BACE2: variants seen among roughly 807,000 people sequenced by gnomAD.
BACE2 encodes the protein 56 kDa aspartic-like protease.
A neutral mutation model predicts 46.2 loss-of-function variants in BACE2; 17 were observed. The ratio of observed to expected loss-of-function variants is 0.37; its 90% CI spans 0.25 to 0.55. The LOEUF is 0.55. Among genes scored for constraint, BACE2 ranks in the 20% least tolerant of loss-of-function variants. The pLI is 0.82. For synonymous variants in BACE2, 277 were observed against 295.9 expected, an observed-to-expected ratio of 0.94 and a Z score of 0.66; for missense variants, 595 against 698.1, an observed-to-expected ratio of 0.85 and a Z score of 1.66.
intron 1 of BACE2, among the ~76,000 whole-genome samples, chr21:41,207,306 C>T (rs1568867708): frequency 6.6e-6 from 1 of 152,314 alleles, no homozygotes; most frequent in Non-Finnish European, 1.5e-5. Flanking sequence ...ACTTATCCCC[C>T]TCCCCAACTA....
chr21:41,256,432 A>G (rs897000767), intron 7 of BACE2, among the ~76,000 whole-genome samples: 7 of 152,116 alleles, frequency 4.6e-5, no homozygotes. Context: ...ATCCTTTTTT[A>G]TGGCTGCATA....
intron 6 of BACE2, among the ~76,000 whole-genome samples, chr21:41,250,026 G>A (rs1421993866): frequency 6.6e-6 from 1 of 152,158 alleles, no homozygotes; most frequent in East Asian, 1.9e-4. Context: ...AGGTATTAGG[G>A]CTGCAGCGGG....
intron 8 of BACE2, among the ~76,000 whole-genome samples, chr21:41,258,735 G>T (rs545326005): frequency 1.3e-5 from 2 of 152,346 alleles, no homozygotes; most frequent in East Asian, 3.9e-4. Context: ...CCCAGTGTAT[G>T]TATATGACAC....
chr21:41,231,302 G>A (rs1390138862), intron 2 of BACE2, among the ~76,000 whole-genome samples: 1 of 152,320 alleles, frequency 6.6e-6, no homozygotes, highest in Middle Eastern at 3.4e-3. Context: ...GGGGTCTCAT[G>A]CATTCAGGTC....
chr21:41,236,009 A>T (rs1987106678), intron 2 of BACE2, among the ~76,000 whole-genome samples: 1 of 152,242 alleles, frequency 6.6e-6, no homozygotes, highest in African/African-American at 2.4e-5. Context: ...AACAGAGTGA[A>T]ATCAAGCCTG....
At chr21:41,233,581 A>G (rs556354188) in intron 2 of BACE2, among the ~76,000 whole-genome samples, 127 of 152,340 alleles carry the variant, frequency 8.3e-4, no homozygotes, top group Non-Finnish European at 1.4e-3. Flanking sequence ...TACAAATTCT[A>G]CAGAGTTTTC....
rs1187124468 is a variant in BACE2, at chr21:41,278,231, A to C, written c.*2607A>C. The C allele has an allele frequency of 1.3e-5, 2 of 152,232 alleles. No homozygotes were observed. Among genetic ancestry groups the C allele is most frequent in the Non-Finnish European group, 2.9e-5 (2 of 68,034 alleles). 9.4% of individuals were successfully genotyped at this position (152,232 alleles called of 1,614,324 possible). ...GTCAAGTCTGATGGGAAATGAATAG[A>C]TGCTGCTTTATTTCCTTGATAACTT... On this transcript the variant is annotated 3_prime_UTR_variant, in exon 9 of 9. Coordinates refer to ENST00000330333, the MANE Select transcript of BACE2 (RefSeq NM_012105.5).
intron 5 of BACE2, among the ~76,000 whole-genome samples, chr21:41,245,425 C>A (rs1269228962): frequency 6.6e-6 from 1 of 152,234 alleles, no homozygotes; most frequent in Non-Finnish European, 1.5e-5. Flanking sequence ...CAGGTGAGGA[C>A]AGGGCTGGCA....
intron 2 of BACE2, among the ~76,000 whole-genome samples, chr21:41,234,148 G>A (rs200549890): frequency 9.2e-5 from 14 of 152,180 alleles, no homozygotes; most frequent in Admixed American, 5.9e-4. Flanking sequence ...TAAGTTTTAC[G>A]AGATCTGATG....
At position 41,275,362 on chromosome 21, in the gene BACE2, T is replaced by C. The variant is rs758696258; in HGVS notation, c.1304-9T>C. ...CACAGCTGTGGATTTTCCCTTTCTG[T>C]CTCCCCAGAAATTGCAGGTGCTGCA... On this transcript the variant is annotated splice_polypyrimidine_tract_variant and intron_variant, in intron 8 of 8. Transcript: ENST00000330333. The C allele has an allele frequency of 5.0e-6, 8 of 1,613,960 alleles. No homozygotes were observed. The highest frequency in any genetic ancestry group is 2.2e-5 in the South Asian group (2 of 91,056).
At chr21:41,190,817 G>C (rs956150094) in intron 1 of BACE2, among the ~76,000 whole-genome samples, 1 of 152,174 alleles carries the variant, frequency 6.6e-6, no homozygotes, top group Non-Finnish European at 1.5e-5. Flanking sequence ...GTAGTAGACT[G>C]ATTTCATCTT....
intron 8 of BACE2, among the ~76,000 whole-genome samples, chr21:41,269,634 A>C (rs1203440579): frequency 6.6e-6 from 1 of 152,184 alleles, no homozygotes; most frequent in Non-Finnish European, 1.5e-5. Context: ...TCACACAATA[A>C]AATTATTTTG....
intron 1 of BACE2, among the ~76,000 whole-genome samples, chr21:41,169,563 T>G (rs777497037): frequency 1.3e-5 from 2 of 152,210 alleles, no homozygotes; most frequent in Non-Finnish European, 2.9e-5. Flanking sequence ...GAAGATAGTT[T>G]ATTTTTATTT....
At chr21:41,175,125 A>T (rs1984769866) in intron 1 of BACE2, 1 of 152,202 alleles carries the variant, frequency 6.6e-6, no homozygotes, top group African/African-American at 2.4e-5. Flanking sequence ...TAGAATTCTC[A>T]AAAGAAGAGA....
At chr21:41,240,592 G>A (rs749740087) in intron 3 of BACE2, among the ~76,000 whole-genome samples, 17 of 152,196 alleles carry the variant, frequency 1.1e-4, no homozygotes, top group Admixed American at 2.6e-4. Context: ...GTCTCCCATC[G>A]TGTTTGCTTT....
intron 1 of BACE2, chr21:41,179,459 G>A: frequency 7.5e-7 from 1 of 1,333,650 alleles, no homozygotes; most frequent in Non-Finnish European, 9.9e-7. Context: ...GAGTGAGGGT[G>A]TCCAGGGTGC....
intron 1 of BACE2, among the ~76,000 whole-genome samples, chr21:41,204,397 C>T (rs886690364): frequency 3.3e-5 from 5 of 151,884 alleles, no homozygotes; most frequent in Non-Finnish European, 5.9e-5. Flanking sequence ...GTATAATAAG[C>T]GGGAGTGATC....
chr21:41,265,514 T>C (rs1307155390), intron 8 of BACE2, among the ~76,000 whole-genome samples: 2 of 152,176 alleles, frequency 1.3e-5, no homozygotes, highest in African/African-American at 4.8e-5. Context: ...AGGTGAAAAA[T>C]GATGATCTCG....
chr21:41,221,691 G>A (rs560299594), intron 1 of BACE2, among the ~76,000 whole-genome samples: 55 of 152,270 alleles, frequency 3.6e-4, no homozygotes, highest in African/African-American at 1.2e-3. Flanking sequence ...AGCTGGGCGT[G>A]GTGGCGGGAG....
Sources: gnomAD v4.1 joint callset for allele counts (sites outside exome capture counted in the v4.1 genomes callset) on GRCh38, gnomAD v4.1.1 for gene constraint, MANE v1.5 for transcripts, NCBI Gene and HGNC (gene_info 2026-07-23, HGNC 2026-07-21) for gene names.